DYNC1I1: variants seen among roughly 807,000 people sequenced by gnomAD.
DYNC1I1 encodes dynein cytoplasmic 1 intermediate chain 1.
A neutral mutation model predicts 86.6 loss-of-function variants in DYNC1I1; 43 were observed. That is an observed-to-expected ratio of 0.50 (90% CI 0.39 to 0.64). The LOEUF (loss-of-function observed/expected upper bound fraction) is 0.64. Ranked by LOEUF, DYNC1I1 falls within the 30% of genes least tolerant of loss-of-function variation. The pLI is 0.00. For synonymous variants in DYNC1I1, 262 were observed against 283.7 expected (o/e 0.92, Z 0.77); for missense variants, 604 against 788.8 (o/e 0.77, Z 2.81).
chr7:96,016,201 A>T (rs1181302843), intron 10 of DYNC1I1, among the ~76,000 whole-genome samples: 1 of 152,150 alleles, frequency 6.6e-6, no homozygotes, highest in Non-Finnish European at 1.5e-5. Flanking sequence ...TGCTAAATTT[A>T]GAATGATCCA....
chr7:95,823,613 C>T (rs530602923), intron 4 of DYNC1I1, among the ~76,000 whole-genome samples: 77 of 151,910 alleles, frequency 5.1e-4, no homozygotes, highest in African/African-American at 1.8e-3. Flanking sequence ...GTGGTACTGC[C>T]GGGTAGGGGA....
At chr7:96,091,250 T>A (rs2116314685) in intron 16 of DYNC1I1, among the ~76,000 whole-genome samples, 1 of 152,278 alleles carries the variant, frequency 6.6e-6, no homozygotes, top group Non-Finnish European at 1.5e-5. Context: ...CATTAAAAAA[T>A]AATGTGTATT....
In DYNC1I1 at chr7:95,975,615, A is replaced by C. The variant is rs115504980; in HGVS notation, c.491-1897A>C. ...TGACCCTATTTTCAAATAAGGCCACATTCTGAGGTACTGGGGTTTATTACT... is the reference window on the plus strand; with the variant it reads ...TGACCCTATTTTCAAATAAGGCCACCTTCTGAGGTACTGGGGTTTATTACT... On this transcript the variant is annotated intron_variant, in intron 6 of 16. Transcript: ENST00000447467. Among the ~76,000 whole-genome samples the C allele has an allele frequency of 2.0e-3, 306 of 152,336 alleles. 2 individuals carry two copies. Among genetic ancestry groups the C allele is most frequent in the African/African-American group, 7.1e-3 (296 of 41,582 alleles).
chr7:95,774,662 C>A (rs915957252), intron 1 of DYNC1I1, among the ~76,000 whole-genome samples: 1 of 152,152 alleles, frequency 6.6e-6, no homozygotes, highest in Non-Finnish European at 1.5e-5. Context: ...GGTCTTTCTT[C>A]CCAATCCCTC....
At chr7:96,046,756 A>G (rs1269329284) in intron 14 of DYNC1I1, among the ~76,000 whole-genome samples, 1 of 152,182 alleles carries the variant, frequency 6.6e-6, no homozygotes, top group African/African-American at 2.4e-5. Context: ...ACCTGATTTG[A>G]GAGGGGAGTC....
chr7:96,045,801 G>A (rs1789193970), intron 14 of DYNC1I1, among the ~76,000 whole-genome samples: 1 of 152,080 alleles, frequency 6.6e-6, no homozygotes, highest in Admixed American at 6.6e-5. Flanking sequence ...TAGGAACATC[G>A]GGAAAGAAGA....
At chr7:95,909,590 G>T (rs576175675) in intron 6 of DYNC1I1, among the ~76,000 whole-genome samples, 3 of 152,220 alleles carry the variant, frequency 2.0e-5, no homozygotes, top group Admixed American at 2.0e-4. Context: ...AGGAATGAGG[G>T]TGAAGCTGGA....
intron 1 of DYNC1I1, among the ~76,000 whole-genome samples, chr7:95,791,170 T>TCATTGTGAAGGAATCACATTGATA (rs1794291567): frequency 1.3e-5 from 2 of 152,204 alleles, no homozygotes; most frequent in African/African-American, 4.8e-5. Context: ...AATTATTCCT[T>TCATTGTGAAGGAATCACATTGATA]CATTGTGATT....
At position 96,044,776 on chromosome 7, in the gene DYNC1I1, G is replaced by A. The variant is rs141385018; in HGVS notation, c.1509+5355G>A. Among the ~76,000 whole-genome samples the A allele has an allele frequency of 2.0e-4, 30 of 152,288 alleles. No homozygotes were observed. In the East Asian group the frequency reaches 5.8e-3, roughly 29 times the overall value. ...GGGGGTTAAATACTCTGCTGAGTGG[G>A]AAGTGGAGCTACTGAAGGGAGCAGA... On this transcript the variant is annotated intron_variant, in intron 14 of 16. Transcript: ENST00000447467.
chr7:95,937,851 T>TCC (rs1792089866), intron 6 of DYNC1I1, among the ~76,000 whole-genome samples: 1 of 152,070 alleles, frequency 6.6e-6, no homozygotes, highest in African/African-American at 2.4e-5. Context: ...CAACCAACCA[T>TCC]AAACACAGCT....
chr7:96,028,355 G>C lies in DYNC1I1; in HGVS notation c.1116+34G>C, dbSNP rs532323215. On this transcript the variant is annotated intron_variant, in intron 11 of 16. Coordinates refer to ENST00000447467, the MANE Select transcript of DYNC1I1 (RefSeq NM_001135556.2). Reference sequence around the variant, plus strand: ...AACTTTTGCCATATCCCTGTGAGCCGCCAGGCCCTGAAAGAGAAAATAACT... The same window carrying C: ...AACTTTTGCCATATCCCTGTGAGCCCCCAGGCCCTGAAAGAGAAAATAACT... 15 of 1,567,364 alleles carry C rather than the reference G, an allele frequency of 9.6e-6. 1 individual carries two copies.
chr7:95,795,069 T>C (rs1304427722), intron 1 of DYNC1I1, among the ~76,000 whole-genome samples: 1 of 152,222 alleles, frequency 6.6e-6, no homozygotes, highest in African/African-American at 2.4e-5. Flanking sequence ...AGAGGAATGC[T>C]TTTCCTTCTG....
chr7:95,865,685 A>G (rs1244502974), intron 5 of DYNC1I1, among the ~76,000 whole-genome samples: 2 of 152,208 alleles, frequency 1.3e-5, no homozygotes. Context: ...ATTTTTAGAT[A>G]CACAAATACT....
At chr7:95,974,080 C>G (rs915338046) in intron 6 of DYNC1I1, among the ~76,000 whole-genome samples, 5 of 152,182 alleles carry the variant, frequency 3.3e-5, no homozygotes, top group Non-Finnish European at 1.5e-5. Context: ...TCACATGTCA[C>G]CTCATTGTGG....
At chr7:95,891,173 A>G (rs1414600692) in intron 6 of DYNC1I1, among the ~76,000 whole-genome samples, 2 of 152,204 alleles carry the variant, frequency 1.3e-5, no homozygotes, top group East Asian at 3.8e-4. Context: ...TCTACAAGCC[A>G]AGGAAAGAGG....
intron 4 of DYNC1I1, among the ~76,000 whole-genome samples, chr7:95,820,886 G>T (rs1458352679): frequency 1.3e-5 from 2 of 152,228 alleles, no homozygotes; most frequent in South Asian, 2.1e-4. Flanking sequence ...CCAGTGGTCA[G>T]CATTTTTATT....
At chr7:96,096,938 TAC>T (rs1791027897) in intron 16 of DYNC1I1, among the ~76,000 whole-genome samples, 1 of 152,200 alleles carries the variant, frequency 6.6e-6, no homozygotes, top group African/African-American at 2.4e-5. Context: ...CTACTATTAC[TAC>T]TATTCATAGT....
At chr7:95,805,001 A>C (rs1438374473) in intron 2 of DYNC1I1, among the ~76,000 whole-genome samples, 164 bp downstream of exon 2, 1 of 152,152 alleles carries the variant, frequency 6.6e-6, no homozygotes, top group Non-Finnish European at 1.5e-5. Context: ...GCCCTCTGCT[A>C]TGTGCTGGTC....
chr7:95,910,510 A>G (rs1448417379), intron 6 of DYNC1I1, among the ~76,000 whole-genome samples: 1 of 152,124 alleles, frequency 6.6e-6, no homozygotes, highest in Non-Finnish European at 1.5e-5. Context: ...TGAGGCATGG[A>G]TTAAGGTTTA....
Sources: allele counts gnomAD v4.1 joint callset (sites outside exome capture counted in the v4.1 genomes callset), GRCh38; gene constraint gnomAD v4.1.1; transcripts MANE v1.5; gene names NCBI Gene and HGNC (gene_info 2026-07-23, HGNC 2026-07-21).